The following FRMPD4 variants were observed in gnomAD, a reference collection of about 807,000 sequenced individuals.
The protein encoded by FRMPD4 is FERM and PDZ domain containing 4.
A neutral mutation model predicts 94.1 loss-of-function variants in FRMPD4; 22 were observed. That is an observed-to-expected ratio of 0.23 (90% CI 0.17 to 0.33). The LOEUF (loss-of-function observed/expected upper bound fraction) is 0.33. Ranked by LOEUF, FRMPD4 falls within the 10% of genes least tolerant of loss-of-function variation. The probability of loss-of-function intolerance (pLI) is 1.00; values close to 1 mark genes in which losing one functional copy is unlikely to be tolerated. For missense variants in FRMPD4, 1,111 were observed against 1,339.9 expected (o/e 0.83, Z 2.67); for synonymous variants, 631 against 548.6 (o/e 1.15, Z -2.10).
intron 1 of FRMPD4, among the ~76,000 whole-genome samples, chrX:12,170,310 A>G (rs924362462): frequency 5.4e-5 from 6 of 110,264 alleles, no homozygotes; most frequent in Admixed American, 4.9e-4. Flanking sequence ...TAACCAACCA[A>G]TTGTGCTACC....
chrX:12,477,868 C>T (rs1214453133), intron 1 of FRMPD4, among the ~76,000 whole-genome samples: 1 of 112,430 alleles, frequency 8.9e-6, no homozygotes, highest in African/African-American at 3.2e-5. Context: ...GAGGAACTTA[C>T]AGTTTTGTTT....
Position 12,192,983 on chromosome X carries a change from C to G in FRMPD4, c.41+53971C>G, listed in dbSNP as rs771865686. ...TGCTGCTGTTTTAATGGATAGATTG[C>G]TTTAAAAATTTTGTTGGGCAAAAAT... On this transcript the variant is annotated intron_variant, in intron 1 of 16. Coordinates refer to ENST00000675598, the MANE Select transcript of FRMPD4 (RefSeq NM_001368397.1). 5.4e-5 allele frequency among the ~76,000 whole-genome samples: 6 copies of G among 111,638 alleles called. No homozygotes were observed. In the East Asian group the frequency reaches 1.7e-3, roughly 32 times the overall value.
At chrX:12,383,038 C>T (rs2056347889) in intron 1 of FRMPD4, among the ~76,000 whole-genome samples, 1 of 111,499 alleles carries the variant, frequency 9.0e-6, no homozygotes, top group African/African-American at 3.3e-5. Flanking sequence ...TGCTCTACCC[C>T]CTGCCCCAAA....
intron 1 of FRMPD4, among the ~76,000 whole-genome samples, chrX:12,386,079 A>AT (rs2056393597): frequency 1.8e-5 from 2 of 112,191 alleles, no homozygotes; most frequent in South Asian, 7.4e-4. Context: ...TCCCAGGAGC[A>AT]AAACCTTACT....
At chrX:12,321,765 C>G (rs759232401) in intron 1 of FRMPD4, among the ~76,000 whole-genome samples, 26 of 111,944 alleles carry the variant, frequency 2.3e-4, no homozygotes, top group East Asian at 1.7e-3. Flanking sequence ...CAGGAACCAA[C>G]TAAGTAAGTC....
chrX:12,195,120 A>G (rs2056551669), intron 1 of FRMPD4, among the ~76,000 whole-genome samples: 1 of 112,229 alleles, frequency 8.9e-6, no homozygotes, highest in Non-Finnish European at 1.9e-5. Context: ...AGATGCCTCA[A>G]AATTACAATG....
rs1404757084 is a variant in FRMPD4 at position 12,332,203 on chromosome X, TATATAGAGAG to T, written c.42-166475_42-166466del. 2.5e-3 allele frequency among the ~76,000 whole-genome samples: 171 copies of T among 67,907 alleles called. 8 individuals carry two copies. Among genetic ancestry groups the T allele is most frequent in the African/African-American group, 0.014 (163 of 11,879 alleles). The allele number at this position is 67,907 out of a possible 115,157, so 59.0% of individuals were successfully genotyped here. The stretch of plus-strand genomic sequence containing the variant: ...ATAATTTATATTTTATATATATATA[TATATAGAGAG>T]AGAGAGAGAGAGAGAGAGAGAGAGA... On this transcript the variant is annotated intron_variant, in intron 1 of 16. Transcript: ENST00000675598.
chrX:11,996,517 A>G lies in FRMPD4; in HGVS notation c.95+118499A>G, dbSNP rs192486056. ...TCATCTTTTAACTCCCACAATAGGT[A>G]TAAACATTTAAAATATAAGCTGCAA... On this transcript the variant is annotated intron_variant, in intron 3 of 18. Transcript: ENST00000640291. 1.4e-4 allele frequency among the ~76,000 whole-genome samples: 16 copies of G among 112,649 alleles called. No individual in the cohort carries two copies. The East Asian group carries it at 4.4e-3, about 31-fold the overall frequency.
chrX:12,221,904 C>T (rs1403246534), intron 1 of FRMPD4, among the ~76,000 whole-genome samples: 2 of 111,545 alleles, frequency 1.8e-5, no homozygotes, highest in Admixed American at 9.5e-5. Flanking sequence ...TATAAAGTGT[C>T]ATTAAGATGA....
chrX:11,989,283 G>A (rs756191566), intron 3 of FRMPD4, among the ~76,000 whole-genome samples: 3 of 111,833 alleles, frequency 2.7e-5, no homozygotes, highest in Non-Finnish European at 5.6e-5. Flanking sequence ...CATACACAAT[G>A]GGGTACTATT....
At chrX:12,012,103 G>T (rs1372030780) in intron 3 of FRMPD4, among the ~76,000 whole-genome samples, 3 of 110,929 alleles carry the variant, frequency 2.7e-5, no homozygotes, top group African/African-American at 9.8e-5. Context: ...GTTTCACCAT[G>T]TTGGCCAGGA....
intron 4 of FRMPD4, among the ~76,000 whole-genome samples, chrX:12,633,670 T>C (rs2059417577): frequency 8.9e-6 from 1 of 112,471 alleles, no homozygotes; most frequent in Non-Finnish European, 1.9e-5. Context: ...GGTTTTTTAA[T>C]GTTAGACAAA....
At chrX:11,971,966 A>C (rs1445764920) in intron 3 of FRMPD4, among the ~76,000 whole-genome samples, 12 of 111,799 alleles carry the variant, frequency 1.1e-4, no homozygotes, top group Non-Finnish European at 1.7e-4. Flanking sequence ...AGATGCCCCT[A>C]TTCTCAAGTG....
At chrX:11,858,555 C>A (rs2053666380) in intron 1 of FRMPD4, among the ~76,000 whole-genome samples, 1 of 110,405 alleles carries the variant, frequency 9.1e-6, no homozygotes, top group Non-Finnish European at 1.9e-5. Context: ...TTTCAGAGGG[C>A]AGAGGGTGGG....
intron 3 of FRMPD4, among the ~76,000 whole-genome samples, chrX:12,108,156 T>A (rs1317131481): frequency 1.8e-5 from 2 of 111,400 alleles, no homozygotes; most frequent in East Asian, 5.6e-4. Context: ...GGAAAAAATG[T>A]TAAGGGCAAC....
intron 3 of FRMPD4, among the ~76,000 whole-genome samples, chrX:12,012,435 T>A (rs1432900430): frequency 8.9e-6 from 1 of 112,200 alleles, no homozygotes; most frequent in African/African-American, 3.2e-5. Context: ...TTTTGTTTAA[T>A]CATGAAGGTA....
At chrX:12,024,560 A>G (rs1310144917) in intron 3 of FRMPD4, among the ~76,000 whole-genome samples, 2 of 112,149 alleles carry the variant, frequency 1.8e-5, no homozygotes, top group African/African-American at 6.5e-5. Context: ...AAGAAAATCC[A>G]TGTATTATCC....
chrX:11,960,056 G>A lies in FRMPD4; in HGVS notation c.95+82038G>A. Among the ~76,000 whole-genome samples, 2 of 111,334 alleles carry A rather than the reference G, an allele frequency of 1.8e-5. 1 individual carries two copies. The highest frequency in any genetic ancestry group is 3.8e-5 in the Non-Finnish European group (2 of 53,115). On this transcript the variant is annotated intron_variant, in intron 3 of 18. Coordinates refer to the FRMPD4 transcript ENST00000640291. ...GTGTTAAGAAGGAACAGCATACACAGCAAGCAGCAGATGTGTTAGCCTTTC... is the reference window on the plus strand; with the variant it reads ...GTGTTAAGAAGGAACAGCATACACAACAAGCAGCAGATGTGTTAGCCTTTC...
At chrX:12,492,169 A>G (rs1037210074) in intron 1 of FRMPD4, among the ~76,000 whole-genome samples, 12 of 112,248 alleles carry the variant, frequency 1.1e-4, no homozygotes, top group African/African-American at 3.6e-4. Flanking sequence ...TGGGGACTCT[A>G]TAGATACATG....
Sources: gnomAD v4.1 joint callset for allele counts (sites outside exome capture counted in the v4.1 genomes callset) on GRCh38, gnomAD v4.1.1 for gene constraint, MANE v1.5 for transcripts, NCBI Gene and HGNC (gene_info 2026-07-23, HGNC 2026-07-21) for gene names.